HYDIN: variants seen among roughly 807,000 people sequenced by gnomAD.
The protein encoded by HYDIN is axonemal central pair apparatus protein HYDIN.
Under a neutral mutation model 403.9 loss-of-function variants are expected in HYDIN, and 132 were observed. The observed-to-expected ratio is 0.33, with a 90% CI of 0.28 to 0.38. HYDIN has a LOEUF of 0.38. Among genes scored for constraint, HYDIN ranks in the 10% least tolerant of loss-of-function variants. The pLI, the probability that HYDIN is intolerant of heterozygous loss-of-function variation, is 1.00. For missense variants in HYDIN, 2,827 were observed against 5,009.5 expected, an observed-to-expected ratio of 0.56 and a Z score of 13.15; for synonymous variants, 1,202 against 1,891.7, an observed-to-expected ratio of 0.64 and a Z score of 9.46.
intron 6 of HYDIN, among the ~76,000 whole-genome samples, chr16:71,160,554 T>A (rs2085959123): frequency 6.6e-6 from 1 of 152,020 alleles, no homozygotes; most frequent in African/African-American, 2.4e-5. Context: ...AGGTAGGAAA[T>A]TACCAAAAGA....
intron 71 of HYDIN, among the ~76,000 whole-genome samples, chr16:70,858,784 A>T (rs2039193979): frequency 2.0e-5 from 3 of 152,190 alleles, no homozygotes; most frequent in South Asian, 4.1e-4. Flanking sequence ...CATTTGAAAC[A>T]TTTCTGGGCT....
At chr16:71,056,527 G>C in intron 18 of HYDIN, among the ~76,000 whole-genome samples, 1 of 152,028 alleles carries the variant, frequency 6.6e-6, no homozygotes. Flanking sequence ...CCCTCTGGCT[G>C]ATAACAAACA....
intron 1 of HYDIN, among the ~76,000 whole-genome samples, chr16:71,193,550 G>A (rs908645920): frequency 6.6e-6 from 1 of 152,170 alleles, no homozygotes; most frequent in Non-Finnish European, 1.5e-5. Context: ...AAACGTTTTA[G>A]AGTAGACATC....
intron 7 of HYDIN, among the ~76,000 whole-genome samples, chr16:71,152,295 T>A (rs2085568178): frequency 6.6e-6 from 1 of 152,110 alleles, no homozygotes; most frequent in Non-Finnish European, 1.5e-5. Context: ...CCATTTCCTA[T>A]TCAGCTTTAT....
intron 78 of HYDIN, among the ~76,000 whole-genome samples, chr16:70,835,126 A>G (rs2037333805): frequency 6.6e-6 from 1 of 150,560 alleles, no homozygotes; most frequent in South Asian, 2.1e-4. Flanking sequence ...CCTCCTGAAT[A>G]GCTGGGATTA....
At chr16:70,877,377 A>T (rs1164469893) in intron 62 of HYDIN, among the ~76,000 whole-genome samples, 5 of 152,128 alleles carry the variant, frequency 3.3e-5, no homozygotes, top group African/African-American at 9.7e-5. Context: ...AAATTAAAAG[A>T]ACTCCACACC....
At chr16:70,908,211 C>G (rs1418284) in intron 49 of HYDIN, 41 bp downstream of exon 49, 7 of 1,494,898 alleles carry the variant, frequency 4.7e-6, no homozygotes, top group Non-Finnish European at 6.4e-6. Flanking sequence ...AAAATGAAAA[C>G]ACATCTGTCA....
intron 75 of HYDIN, 87 bp from the exon 76 acceptor site, chr16:70,840,320 T>C (rs2037731064): frequency 9.8e-6 from 12 of 1,223,450 alleles, no homozygotes; most frequent in Admixed American, 2.0e-5. Flanking sequence ...AGGAAAGCAG[T>C]TGGTGCTTTA....
At chr16:71,106,439 C>T (rs2083619421) in intron 10 of HYDIN, among the ~76,000 whole-genome samples, 1 of 152,186 alleles carries the variant, frequency 6.6e-6, no homozygotes, top group Non-Finnish European at 1.5e-5. Context: ...TAATCAACTT[C>T]TATAGTAGCA....
At position 70,859,173 on chromosome 16, in the gene HYDIN, C is replaced by T. The variant is rs543688650; in HGVS notation, c.12129+895G>A. Among the ~76,000 whole-genome samples the T allele has an allele frequency of 1.3e-3, 194 of 151,982 alleles. 1 individual carries two copies. The highest frequency in any genetic ancestry group is 1.8e-3 in the Non-Finnish European group (124 of 67,970). On this transcript the variant is annotated intron_variant, in intron 71 of 85. Transcript: ENST00000393567. Reference sequence around the variant, plus strand: ...AAAATTAGCTGGGCGTGGTGGCGGGCGCTTGTAGTCCGAGCTACTCGGAAG... The same window carrying T: ...AAAATTAGCTGGGCGTGGTGGCGGGTGCTTGTAGTCCGAGCTACTCGGAAG...
intron 9 of HYDIN, among the ~76,000 whole-genome samples, chr16:71,128,277 C>T (rs2084555110): frequency 6.6e-6 from 1 of 151,954 alleles, no homozygotes; most frequent in Non-Finnish European, 1.5e-5. Context: ...TGGAGATTAA[C>T]AACACACATT....
chr16:71,040,253 T>G (rs930337682), intron 18 of HYDIN, among the ~76,000 whole-genome samples: 3 of 151,238 alleles, frequency 2.0e-5, no homozygotes, highest in African/African-American at 7.3e-5. Flanking sequence ...TCCAGCAAGG[T>G]GTTGAGAGCA....
At chr16:71,073,695 T>G (rs919171720) in intron 13 of HYDIN, among the ~76,000 whole-genome samples, 12 of 152,170 alleles carry the variant, frequency 7.9e-5, no homozygotes, top group African/African-American at 1.2e-4. Flanking sequence ...TGAAAAATAG[T>G]GGGTTTGCAG....
At chr16:71,070,271 CTCCTTCCTTCCT>C (rs146740657) in intron 13 of HYDIN, among the ~76,000 whole-genome samples, 2 of 147,224 alleles carry the variant, frequency 1.4e-5, no homozygotes, top group African/African-American at 2.5e-5. Context: ...TTCTTTCTCT[CTCCTTCCTTCCT>C]TCCTTCCTTC....
At chr16:71,003,631 C>T (rs946149980) in intron 23 of HYDIN, among the ~76,000 whole-genome samples, 1 of 151,700 alleles carries the variant, frequency 6.6e-6, no homozygotes. Flanking sequence ...AAAACCCTGT[C>T]TCTATTAAAA....
intron 23 of HYDIN, among the ~76,000 whole-genome samples, chr16:71,013,152 T>C (rs901125216): frequency 4.8e-5 from 7 of 145,812 alleles, no homozygotes; most frequent in Admixed American, 6.9e-5. Flanking sequence ...AGGCGTGATG[T>C]GAATCACCAA....
chr16:71,200,442 G>A (rs1046576868), intron 1 of HYDIN, among the ~76,000 whole-genome samples: 2 of 152,126 alleles, frequency 1.3e-5, no homozygotes, highest in Non-Finnish European at 1.5e-5. Context: ...CATGGCTTAG[G>A]TTTCTGAAAT....
At chr16:70,826,444 C>G (rs1350254135) in intron 83 of HYDIN, among the ~76,000 whole-genome samples, 1 of 151,884 alleles carries the variant, frequency 6.6e-6, no homozygotes, top group Non-Finnish European at 1.5e-5. Flanking sequence ...GATTTTCTCC[C>G]TTTGGGGATA....
rs1367963574 is a variant in HYDIN, at chr16:70,938,682, G to T, written c.6927C>A (p.Ala2309=). The T allele has an allele frequency of 1.2e-6, 2 of 1,612,836 alleles. No individual in the cohort carries two copies. The highest frequency in any genetic ancestry group is 2.7e-5 in the African/African-American group (2 of 74,914). The part of the protein sequence containing the change: ...LQNMDEEEYD[A]LTEEEKLTFD... ...ATGTGAGTTTCTCCTCCTCAGTCAGGGCATCATATTCTTCCTCATCCATGT... is the reference window on the plus strand; with the variant it reads ...ATGTGAGTTTCTCCTCCTCAGTCAGTGCATCATATTCTTCCTCATCCATGT... Residue 2309 remains alanine (A), a synonymous_variant, in exon 44 of 86, where the codon GCC becomes GCA. Transcript: ENST00000393567.
Sources: gnomAD v4.1 joint callset for allele counts (sites outside exome capture counted in the v4.1 genomes callset) on GRCh38, gnomAD v4.1.1 for gene constraint, MANE v1.5 for transcripts, NCBI Gene and HGNC (gene_info 2026-07-23, HGNC 2026-07-21) for gene names.